Variants in RNASEL observed in about 807,000 individuals in gnomAD.
The protein encoded by RNASEL is ribonuclease L, also known as 2-5A-dependent ribonuclease.
RNASEL carries 36 observed loss-of-function variants against 50.9 expected under a neutral mutation model. The ratio of observed to expected loss-of-function variants is 0.71; its 90% CI spans 0.54 to 0.93. The LOEUF (loss-of-function observed/expected upper bound fraction) is 0.93. Among genes scored for constraint, RNASEL ranks in the 40% least tolerant of loss-of-function variants. RNASEL has a pLI of 0.00. For synonymous variants in RNASEL, 335 were observed against 335.6 expected, an observed-to-expected ratio of 1.00 and a Z score of 0.02; for missense variants, 860 against 894.5, an observed-to-expected ratio of 0.96 and a Z score of 0.49.
In RNASEL at chr1:182,586,782, GGTT is replaced by G; in HGVS notation, c.22_24del (p.Asn8del). 1 of 1,614,240 alleles carries G rather than the reference GGTT, an allele frequency of 6.2e-7. No homozygotes were observed. The highest frequency in any genetic ancestry group is 2.2e-5 in the East Asian group (1 of 44,886). The stretch of plus-strand genomic sequence containing the variant: ...CTGGAGGACGTGGGTCCCTCCTGGG[GGTT>G]GTTATGATCCCTGCTCTCCATGACG... On this transcript the variant is annotated inframe_deletion, in exon 2 of 7. Transcript: ENST00000367559.
chr1:182,575,853 C>T (rs902744791), intron 6 of RNASEL, among the ~76,000 whole-genome samples: 4 of 152,178 alleles, frequency 2.6e-5, no homozygotes, highest in African/African-American at 9.7e-5. Flanking sequence ...CCAGAAGAGC[C>T]CTGAACTGCA....
intron 5 of RNASEL, among the ~76,000 whole-genome samples, 191 bp from the exon 6 acceptor site, chr1:182,576,580 G>T (rs1198227986): frequency 6.6e-6 from 1 of 152,102 alleles, no homozygotes; most frequent in African/African-American, 2.4e-5. Flanking sequence ...CTATAATTGT[G>T]TCTGGGCTGG....
At chr1:182,587,043 T>A in intron 1 of RNASEL, 73 bp from the exon 2 acceptor site, 1 of 414,254 alleles carries the variant, frequency 2.4e-6, no homozygotes, top group Non-Finnish European at 4.3e-6. Flanking sequence ...ATTAATTATA[T>A]TAGCATTTTT....
intron 4 of RNASEL, 104 bp downstream of exon 4, chr1:182,581,949 A>C: frequency 1.0e-6 from 1 of 985,158 alleles, no homozygotes; most frequent in Non-Finnish European, 1.6e-6. Context: ...TCCCAAGCTA[A>C]GAAAAAAGCC....
At chr1:182,581,164 T>G in intron 5 of RNASEL, 61 bp downstream of exon 5, 1 of 1,612,438 alleles carries the variant, frequency 6.2e-7, no homozygotes, top group South Asian at 1.1e-5. Flanking sequence ...AAAACTAACA[T>G]AAAACATTAC....
Position 182,577,263 on chromosome 1 carries a change from G to T in RNASEL, c.1906-874C>A, listed in dbSNP as rs142849626. Among the ~76,000 whole-genome samples the T allele has an allele frequency of 2.6e-5, 4 of 152,194 alleles. No individual in the cohort carries two copies. In the East Asian group the frequency reaches 5.8e-4, roughly 22 times the overall value. The stretch of plus-strand genomic sequence containing the variant: ...AGATTATAAGTATGTTCAAATGTGT[G>T]TCTGTATTTTCCAAGTAAATTGTTT... On this transcript the variant is annotated intron_variant, in intron 5 of 6. Coordinates refer to ENST00000367559, the MANE Select transcript of RNASEL (RefSeq NM_021133.4).
In RNASEL at chr1:182,584,177, G is replaced by C. The variant is rs1270469418; in HGVS notation, c.1481-11C>G. ...CAGCTTTCTTAGAATCTAAGGAAAA[G>C]TTTGCAGAGGCACATTGAAAATACT... On this transcript the variant is annotated splice_polypyrimidine_tract_variant and intron_variant, in intron 2 of 6. Coordinates refer to ENST00000367559, the MANE Select transcript of RNASEL (RefSeq NM_021133.4). The C allele has an allele frequency of 6.3e-7, 1 of 1,588,574 alleles. No individual in the cohort carries two copies. Among genetic ancestry groups the C allele is most frequent in the East Asian group, 2.2e-5 (1 of 44,738 alleles).
At chr1:182,583,374 G>A (rs1183408521) in intron 3 of RNASEL, among the ~76,000 whole-genome samples, 1 of 152,204 alleles carries the variant, frequency 6.6e-6, no homozygotes, top group Non-Finnish European at 1.5e-5. Context: ...GGGGAGTCAG[G>A]ACAGTGAGCA....
Position 182,575,193 on chromosome 1 carries a change from A to C in RNASEL, c.*199T>G, listed in dbSNP as rs1661356023. 1.7e-6 allele frequency: 1 copy of C among 597,374 alleles called. No homozygotes were observed. The highest frequency in any genetic ancestry group is 3.0e-6 in the Non-Finnish European group (1 of 335,962). 37.0% of individuals were successfully genotyped at this position (597,374 alleles called of 1,614,324 possible). On this transcript the variant is annotated 3_prime_UTR_variant, in exon 7 of 7. Coordinates refer to ENST00000367559, the MANE Select transcript of RNASEL (RefSeq NM_021133.4). Reference sequence around the variant, plus strand: ...GAATGTCCTCCCAGTTAGTGGGTAAAGCTTATGGACTAGTGTAGTCTGGGT... The same window carrying C: ...GAATGTCCTCCCAGTTAGTGGGTAACGCTTATGGACTAGTGTAGTCTGGGT...
chr1:182,583,610 G>A (rs1571268053), intron 3 of RNASEL, among the ~76,000 whole-genome samples: 1 of 152,114 alleles, frequency 6.6e-6, no homozygotes, highest in Non-Finnish European at 1.5e-5. Flanking sequence ...ATTCAGTCAC[G>A]GTGGGCACCA....
At chr1:182,581,446 T>C in intron 4 of RNASEL, 89 bp from the exon 5 acceptor site, 1 of 1,494,604 alleles carries the variant, frequency 6.7e-7, no homozygotes, top group Non-Finnish European at 9.2e-7. Flanking sequence ...GATTTTGGTG[T>C]TTTTTGTGCT....
Position 182,584,045 on chromosome 1 carries a change from A to G in RNASEL, c.1566+36T>C, listed in dbSNP as rs1342006582. On this transcript the variant is annotated intron_variant, in intron 3 of 6. Coordinates refer to ENST00000367559, the MANE Select transcript of RNASEL (RefSeq NM_021133.4). ...CTACTACATGAAAGAATAAGGAAGC[A>G]GAAAGAAGAAAGGTAAACTGGATTG... The G allele has an allele frequency of 2.7e-6, 4 of 1,480,564 alleles. No individual in the cohort carries two copies. In the African/African-American group the frequency reaches 4.1e-5, roughly 15 times the overall value. 91.7% of individuals were successfully genotyped at this position (1,480,564 alleles called of 1,614,324 possible).
chr1:182,575,308 T>C lies in RNASEL; in HGVS notation c.*84A>G. The C allele has an allele frequency of 7.3e-7, 1 of 1,373,828 alleles. No individual in the cohort carries two copies. The highest frequency in any genetic ancestry group is 1.0e-6 in the Non-Finnish European group (1 of 962,992). The allele number at this position is 1,373,828 out of a possible 1,614,324, so 85.1% of individuals were successfully genotyped here. ...AACTCATCCCTCACAAGCAACCTGGTGAGTTAAAAGGCCCAGAATGTTGTG... is the reference window on the plus strand; with the variant it reads ...AACTCATCCCTCACAAGCAACCTGGCGAGTTAAAAGGCCCAGAATGTTGTG... On this transcript the variant is annotated 3_prime_UTR_variant, in exon 7 of 7. Coordinates refer to ENST00000367559, the MANE Select transcript of RNASEL (RefSeq NM_021133.4).
rs1288524663 is a variant in RNASEL, at chr1:182,586,015, T to C, written c.792A>G (p.Ile264Met). The stretch of plus-strand genomic sequence containing the variant: ...CATCACTGTCTGTGTCATTAATCTC[T>C]ATGTGCTCTTGCTCCAGAAGCCTCT... ...LVQRLLEQEH[I>M]EINDTDSDGK... The change falls in exon 2 of 7, where the codon ATA becomes ATG. Residue 264 changes from isoleucine to methionine, a missense_variant. By Grantham distance (10) the Ile-to-Met change is conservative. Coordinates refer to ENST00000367559, the MANE Select transcript of RNASEL (RefSeq NM_021133.4). 2 of 1,614,132 alleles carry C rather than the reference T, an allele frequency of 1.2e-6. No individual in the cohort carries two copies. Among genetic ancestry groups the C allele is most frequent in the East Asian group, 2.2e-5 (1 of 44,880 alleles).
chr1:182,588,578 A>T (rs1661643576), intron 1 of RNASEL, among the ~76,000 whole-genome samples: 1 of 152,248 alleles, frequency 6.6e-6, no homozygotes, highest in Non-Finnish European at 1.5e-5. Flanking sequence ...TGTTACCTGA[A>T]TATTTAAATA....
In RNASEL at chr1:182,586,516, G is replaced by A. The variant is rs776694567; in HGVS notation, c.291C>T (p.Ile97=). 6.2e-7 allele frequency: 1 copy of A among 1,610,700 alleles called. No individual in the cohort carries two copies. The highest frequency in any genetic ancestry group is 1.7e-5 in the Admixed American group (1 of 59,730). The change falls in exon 2 of 7, where the codon ATC becomes ATT. Residue 97 remains isoleucine (I), a synonymous_variant. Coordinates refer to ENST00000367559, the MANE Select transcript of RNASEL (RefSeq NM_021133.4). ...TCACGCTCCCCGCAATCGCTGCGAG[G>A]ATAAAAGGCGTGGCCCCATTCTTCT... ...LRKKNGATPF[I]LAAIAGSVKL...
Position 182,586,124 on chromosome 1 carries a change from T to C in RNASEL, c.683A>G (p.His228Arg), listed in dbSNP as rs1661590918. The C allele has an allele frequency of 6.2e-7, 1 of 1,614,036 alleles. No individual in the cohort carries two copies. Among genetic ancestry groups the C allele is most frequent in the South Asian group, 1.1e-5 (1 of 91,074 alleles). ...TCCCCTCACATTGACATCAGCCCCA[T>C]GGTCCAGCAGCAGATGCGTAATAGC... ...VEAITHLLLDHGADVNVRGER... is the reference protein window; with the variant it reads ...VEAITHLLLDRGADVNVRGER... Residue 228 changes from histidine (H) to arginine (R), a missense_variant, in exon 2 of 7, where the codon CAT becomes CGT. His to Arg is a conservative substitution (Grantham distance 29). Transcript: ENST00000367559.
chr1:182,586,316 A>G lies in RNASEL; in HGVS notation c.491T>C (p.Leu164Pro). 1 of 1,614,036 alleles carries G rather than the reference A, an allele frequency of 6.2e-7. No individual in the cohort carries two copies. The highest frequency in any genetic ancestry group is 8.5e-7 in the Non-Finnish European group (1 of 1,179,992). The change falls in exon 2 of 7, where the codon CTG becomes CCG. Residue 164 changes from leucine to proline, a missense_variant. By Grantham distance (98) the Leu-to-Pro change is moderately conservative. Coordinates refer to ENST00000367559, the MANE Select transcript of RNASEL (RefSeq NM_021133.4). ...RRKTKEDQERLRKGGATALMD... is the reference protein window; with the variant it reads ...RRKTKEDQERPRKGGATALMD... The stretch of plus-strand genomic sequence containing the variant: ...GAGAGCTGTGGCCCCTCCTTTCCTC[A>G]GCCGCTCTTGATCCTCCTTTGTCTT...
rs370984239 is a variant in RNASEL at position 182,585,735 on chromosome 1, T to C, written c.1072A>G (p.Ile358Val). ...TCAATAAAGAACTTGAGTTTGCCAATCATAGGGCGGTATATTCTGTGGAGA... is the reference window on the plus strand; with the variant it reads ...TCAATAAAGAACTTGAGTTTGCCAACCATAGGGCGGTATATTCTGTGGAGA... ...KDLHRIYRPM[I>V]GKLKFFIDEK... is the part of the protein sequence containing the mutation. The change falls in exon 2 of 7, where the codon ATT becomes GTT. Residue 358 changes from isoleucine to valine, a missense_variant. Physicochemically the swap from Ile to Val is conservative, Grantham distance 29. Transcript: ENST00000367559. 1 of 1,613,938 alleles carries C rather than the reference T, an allele frequency of 6.2e-7. No homozygotes were observed. Among genetic ancestry groups the C allele is most frequent in the Non-Finnish European group, 8.5e-7 (1 of 1,180,038 alleles).
Sources: gnomAD v4.1 joint callset for allele counts (sites outside exome capture counted in the v4.1 genomes callset) on GRCh38, gnomAD v4.1.1 for gene constraint, MANE v1.5 for transcripts, NCBI Gene and HGNC (gene_info 2026-07-23, HGNC 2026-07-21) for gene names.